MIPEP: variants seen among roughly 807,000 people sequenced by gnomAD.
MIPEP encodes the protein mitochondrial intermediate peptidase.
MIPEP carries 79 observed loss-of-function variants against 90.3 expected under a neutral mutation model. The observed-to-expected ratio is 0.87, with a 90% CI of 0.73 to 1.05. MIPEP has a LOEUF of 1.05. Ranked by LOEUF, MIPEP falls within the 50% of genes least tolerant of loss-of-function variation. MIPEP has a pLI of 0.00. For missense variants in MIPEP, 940 were observed against 905.6 expected (o/e 1.04, Z -0.49); for synonymous variants, 334 against 315.8 (o/e 1.06, Z -0.61).
At chr13:23,857,351 T>A (rs117235878) in intron 10 of MIPEP, among the ~76,000 whole-genome samples, 1 of 152,142 alleles carries the variant, frequency 6.6e-6, no homozygotes, top group African/African-American at 2.4e-5. Flanking sequence ...GATACATTTT[T>A]AAAAAAATGG....
chr13:23,757,451 C>T (rs1031034460), intron 17 of MIPEP, among the ~76,000 whole-genome samples: 1 of 152,114 alleles, frequency 6.6e-6, no homozygotes, highest in African/African-American at 2.4e-5. Flanking sequence ...TAAAATATTA[C>T]ATTTTATTCT....
At chr13:23,816,577 T>C (rs1382314503) in intron 14 of MIPEP, among the ~76,000 whole-genome samples, 3 of 152,220 alleles carry the variant, frequency 2.0e-5, no homozygotes, top group Non-Finnish European at 4.4e-5. Context: ...ATGTTATCCA[T>C]GTTTTCCGTC....
At position 23,836,335 on chromosome 13, in the gene MIPEP, T is replaced by C. The variant is rs371822459; in HGVS notation, c.1558A>G (p.Thr520Ala). 1 of 1,584,478 alleles carries C rather than the reference T, an allele frequency of 6.3e-7. No homozygotes were observed. The highest frequency in any genetic ancestry group is 1.2e-5 in the South Asian group (1 of 83,592). ...YQHVTGTRCP[T>A]DFAEVPSILM... The stretch of plus-strand genomic sequence containing the variant: ...ATAGAAGGAACCTCAGCAAAATCAG[T>C]AGGGCACCTGGTCCCTAAAACAAGA... Residue 520 changes from threonine to alanine, a missense_variant, in exon 14 of 19, where the codon ACT (threonine) becomes GCT (alanine). Transcript: ENST00000382172.
At chr13:23,867,331 ACT>A (rs1223019805) in intron 7 of MIPEP, among the ~76,000 whole-genome samples, 2 of 151,624 alleles carry the variant, frequency 1.3e-5, no homozygotes, top group African/African-American at 2.4e-5. Flanking sequence ...CTTGATAGTG[ACT>A]CTGCGTGAAA....
intron 7 of MIPEP, among the ~76,000 whole-genome samples, chr13:23,867,610 T>C (rs1870599970): frequency 6.6e-6 from 1 of 152,246 alleles, no homozygotes; most frequent in African/African-American, 2.4e-5. Flanking sequence ...AGGAATTTTC[T>C]TCTGCTTTGT....
In MIPEP at chr13:23,885,738, A is replaced by T. The variant is rs539644696; in HGVS notation, c.363+595T>A. 5.5e-3 allele frequency among the ~76,000 whole-genome samples: 779 copies of T among 142,384 alleles called. 5 individuals are homozygous for T. Among genetic ancestry groups the T allele is most frequent in the African/African-American group, 0.018 (715 of 39,080 alleles). 93.4% of individuals were successfully genotyped at this position (142,384 alleles called of 152,430 possible). Reference sequence around the variant, plus strand: ...TGATGTCAAAACTTGGTTTTTAATTAAAAAAAAAAAAGCATTCCTGAAAAG... The same window carrying T: ...TGATGTCAAAACTTGGTTTTTAATTTAAAAAAAAAAAGCATTCCTGAAAAG... On this transcript the variant is annotated intron_variant, in intron 2 of 18. Coordinates refer to ENST00000382172, the MANE Select transcript of MIPEP (RefSeq NM_005932.4).
intron 5 of MIPEP, among the ~76,000 whole-genome samples, chr13:23,870,748 T>C (rs1203797951): frequency 3.3e-5 from 5 of 151,768 alleles, no homozygotes; most frequent in Admixed American, 3.3e-4. Flanking sequence ...GAGGTTGCAA[T>C]GAGCCGAGAT....
chr13:23,858,350 T>C (rs1870133465), intron 10 of MIPEP, among the ~76,000 whole-genome samples: 1 of 151,942 alleles, frequency 6.6e-6, no homozygotes, highest in South Asian at 2.1e-4. Context: ...TAAATCTTTA[T>C]TTCATTTATA....
At chr13:23,841,621 T>C (rs1405996451) in intron 10 of MIPEP, 133 bp from the exon 11 acceptor site, 1 of 1,005,630 alleles carries the variant, frequency 9.9e-7, no homozygotes, top group South Asian at 1.9e-5. Context: ...AGTGTATTTA[T>C]ATCATTTGAG....
chr13:23,843,108 A>AG, intron 10 of MIPEP, among the ~76,000 whole-genome samples: 1 of 150,158 alleles, frequency 6.7e-6, no homozygotes, highest in East Asian at 1.9e-4. Context: ...AAAAAAAAAA[A>AG]AAAAAAAAAA....
chr13:23,857,992 A>C (rs897640997), intron 10 of MIPEP, among the ~76,000 whole-genome samples: 1 of 152,198 alleles, frequency 6.6e-6, no homozygotes, highest in African/African-American at 2.4e-5. Flanking sequence ...GAGGAAAAAA[A>C]AACAAAAAAC....
At chr13:23,847,951 G>C (rs1869620525) in intron 10 of MIPEP, among the ~76,000 whole-genome samples, 1 of 152,180 alleles carries the variant, frequency 6.6e-6, no homozygotes, top group Admixed American at 6.5e-5. Flanking sequence ...GAGACAGGTG[G>C]AGCAAGAATT....
chr13:23,834,271 G>A (rs570858013), intron 14 of MIPEP, among the ~76,000 whole-genome samples: 1 of 152,306 alleles, frequency 6.6e-6, no homozygotes, highest in South Asian at 2.1e-4. Context: ...ATTCCCGCCT[G>A]AAAGCCTTTA....
intron 2 of MIPEP, among the ~76,000 whole-genome samples, chr13:23,885,737 T>G (rs1263921362): frequency 7.1e-6 from 1 of 141,616 alleles, no homozygotes; most frequent in East Asian, 2.0e-4. Flanking sequence ...GGTTTTTAAT[T>G]AAAAAAAAAA....
At position 23,841,406 on chromosome 13, in the gene MIPEP, G is replaced by C. The variant is rs1366652943; in HGVS notation, c.1189C>G (p.Leu397Val). ...MEGLNILLNR[L>V]LGISLYAEQP... ...TCTGCATATAATGAAATCCCCAACA[G>C]TCTGTTAAGCAAAATATTCAGGCCT... Residue 397 changes from leucine (L) to valine (V), a missense_variant, in exon 11 of 19, where the codon CTG becomes GTG. Coordinates refer to ENST00000382172, the MANE Select transcript of MIPEP (RefSeq NM_005932.4). The C allele has an allele frequency of 6.2e-7, 1 of 1,614,106 alleles. No homozygotes were observed.
At chr13:23,741,009 G>A (rs553324188) in intron 18 of MIPEP, among the ~76,000 whole-genome samples, 1 of 152,298 alleles carries the variant, frequency 6.6e-6, no homozygotes, top group South Asian at 2.1e-4. Context: ...CCAGGTGGAT[G>A]GACTCGTAAC....
At position 23,836,317 on chromosome 13, in the gene MIPEP, G is replaced by A. The variant is rs1214794201; in HGVS notation, c.1576C>T (p.Pro526Ser). The A allele has an allele frequency of 6.3e-7, 1 of 1,591,634 alleles. No homozygotes were observed. The highest frequency in any genetic ancestry group is 2.3e-5 in the East Asian group (1 of 43,908). The change falls in exon 14 of 19, where the codon CCT becomes TCT. Residue 526 changes from proline to serine, a missense_variant. Transcript: ENST00000382172. ...GCAAAGTACTCCATCAGAATAGAAG[G>A]AACCTCAGCAAAATCAGTAGGGCAC... Reference protein sequence around the residue: ...TRCPTDFAEVPSILMEYFAND... With the variant: ...TRCPTDFAEVSSILMEYFAND...
chr13:23,887,711 A>C (rs1265227211), intron 1 of MIPEP, among the ~76,000 whole-genome samples: 2 of 152,238 alleles, frequency 1.3e-5, no homozygotes, highest in African/African-American at 4.8e-5. Context: ...TTCACTTTGT[A>C]GGTGCTTAAC....
At chr13:23,845,104 A>G (rs1869474656) in intron 10 of MIPEP, among the ~76,000 whole-genome samples, 1 of 152,250 alleles carries the variant, frequency 6.6e-6, no homozygotes, top group African/African-American at 2.4e-5. Flanking sequence ...TGGCACAAAT[A>G]GAATCATACC....
Sources: allele counts gnomAD v4.1 joint callset (sites outside exome capture counted in the v4.1 genomes callset), GRCh38; gene constraint gnomAD v4.1.1; transcripts MANE v1.5; gene names NCBI Gene and HGNC (gene_info 2026-07-23, HGNC 2026-07-21).